Variants in CMIP observed in about 807,000 individuals in gnomAD.
CMIP encodes C-Maf-inducing protein.
In CMIP, 13 loss-of-function variants were observed where a neutral mutation model predicts 97.3. That is an observed-to-expected ratio of 0.13 (90% CI 0.09 to 0.21). The LOEUF (loss-of-function observed/expected upper bound fraction) is 0.21. CMIP is among the 10% of genes least tolerant of loss of function. The pLI, the probability that CMIP is intolerant of heterozygous loss-of-function variation, is 1.00. For missense variants in CMIP, 847 were observed against 1,024.9 expected, an observed-to-expected ratio of 0.83 and a Z score of 2.37; for synonymous variants, 538 against 436.3, an observed-to-expected ratio of 1.23 and a Z score of -2.91.
At chr16:81,455,019 G>C (rs1483299535) in intron 1 of CMIP, among the ~76,000 whole-genome samples, 4 of 152,230 alleles carry the variant, frequency 2.6e-5, no homozygotes, top group Non-Finnish European at 4.4e-5. Context: ...GACGGCATAG[G>C]AATTAAAGAT....
At chr16:81,445,580 G>A (rs768666768) in intron 1 of CMIP, 39 bp downstream of exon 1, 7 of 1,527,428 alleles carry the variant, frequency 4.6e-6, no homozygotes, top group Non-Finnish European at 6.2e-6. Context: ...GCCTCTCCTC[G>A]GGGCCCGAGA....
At chr16:81,511,296 C>A (rs2089805464) in intron 1 of CMIP, among the ~76,000 whole-genome samples, 1 of 152,208 alleles carries the variant, frequency 6.6e-6, no homozygotes, top group South Asian at 2.1e-4. Context: ...AAGAAACTAA[C>A]AATAATTCCT....
intron 3 of CMIP, among the ~76,000 whole-genome samples, chr16:81,650,557 G>A (rs981861477): frequency 1.3e-5 from 2 of 152,158 alleles, no homozygotes; most frequent in Non-Finnish European, 2.9e-5. Flanking sequence ...TATATCAGAG[G>A]CCCCAGAAAA....
At chr16:81,544,340 C>G (rs1302529494) in intron 1 of CMIP, among the ~76,000 whole-genome samples, 2 of 152,184 alleles carry the variant, frequency 1.3e-5, no homozygotes, top group African/African-American at 4.8e-5. Context: ...TGCAAAGTCT[C>G]TTTGGTGCTA....
At chr16:81,690,008 G>A (rs112673491) in intron 10 of CMIP, among the ~76,000 whole-genome samples, 166 of 152,264 alleles carry the variant, frequency 1.1e-3, no homozygotes, top group African/African-American at 3.7e-3. Context: ...TGTTCCATTG[G>A]TCTGTATCTC....
intron 1 of CMIP, among the ~76,000 whole-genome samples, chr16:81,540,317 C>T (rs564519987): frequency 6.6e-6 from 1 of 152,178 alleles, no homozygotes; most frequent in Non-Finnish European, 1.5e-5. Flanking sequence ...TGGGCTTGCT[C>T]ACCCTGGCTG....
At chr16:81,640,301 A>G (rs934234347) in intron 3 of CMIP, among the ~76,000 whole-genome samples, 20 of 100,200 alleles carry the variant, frequency 2.0e-4, no homozygotes, top group Non-Finnish European at 3.6e-4. Context: ...CCCCCCCCCA[A>G]TTCCCCAGGG....
intron 1 of CMIP, among the ~76,000 whole-genome samples, chr16:81,596,135 C>T (rs2091551506): frequency 6.6e-6 from 1 of 152,098 alleles, no homozygotes; most frequent in African/African-American, 2.4e-5. Context: ...AGTGGAGGCT[C>T]AGAGATACCA....
intron 3 of CMIP, among the ~76,000 whole-genome samples, chr16:81,638,743 A>G (rs533455869): frequency 1.3e-5 from 2 of 152,144 alleles, no homozygotes; most frequent in Admixed American, 6.5e-5. Context: ...GCCCCAGTTC[A>G]GCCTCCTGTG....
At chr16:81,669,781 C>G (rs1387405992) in intron 7 of CMIP, among the ~76,000 whole-genome samples, 2 of 152,042 alleles carry the variant, frequency 1.3e-5, no homozygotes, top group Non-Finnish European at 2.9e-5. Flanking sequence ...TCTCACACAC[C>G]TCCTTCCACA....
chr16:81,691,551 C>T (rs1906078422), intron 10 of CMIP: 3 of 588,868 alleles, frequency 5.1e-6, no homozygotes, highest in African/African-American at 3.7e-5. Context: ...CTCACCCCCT[C>T]GGGTGCCATG....
intron 11 of CMIP, among the ~76,000 whole-genome samples, chr16:81,692,584 T>G (rs1906218053): frequency 6.6e-6 from 1 of 152,178 alleles, no homozygotes; most frequent in Non-Finnish European, 1.5e-5. Context: ...AAGGGCACAT[T>G]ACACGCAGTA....
At chr16:81,540,304 A>C (rs2090424402) in intron 1 of CMIP, among the ~76,000 whole-genome samples, 1 of 152,032 alleles carries the variant, frequency 6.6e-6, no homozygotes, top group African/African-American at 2.4e-5. Flanking sequence ...CTGATCCGTG[A>C]GATGGGCTTG....
intron 1 of CMIP, among the ~76,000 whole-genome samples, chr16:81,503,199 C>T (rs1455485549): frequency 6.6e-6 from 1 of 152,202 alleles, no homozygotes; most frequent in South Asian, 2.1e-4. Flanking sequence ...GGAGATCCCT[C>T]AGTCCCAGGG....
At chr16:81,518,037 G>A (rs1030132389) in intron 1 of CMIP, 2 of 366,260 alleles carry the variant, frequency 5.5e-6, no homozygotes, top group South Asian at 1.1e-4. Flanking sequence ...TTAATTGTGT[G>A]TGTGTGCTGG....
chr16:81,494,606 G>A (rs887523669), intron 1 of CMIP, among the ~76,000 whole-genome samples: 1 of 152,192 alleles, frequency 6.6e-6, no homozygotes, highest in African/African-American at 2.4e-5. Context: ...GGAGGCACCT[G>A]TGGGCATGGG....
At chr16:81,611,698 CTG>C (rs1245424331) in intron 2 of CMIP, among the ~76,000 whole-genome samples, 2 of 152,214 alleles carry the variant, frequency 1.3e-5, no homozygotes, top group African/African-American at 4.8e-5. Flanking sequence ...CCAGTCCTCT[CTG>C]TGTGTCTCTC....
Position 81,706,930 on chromosome 16 carries a change from T to A in CMIP, c.2198-84T>A, listed in dbSNP as rs1031560168. The A allele has an allele frequency of 1.2e-5, 14 of 1,174,178 alleles. No individual in the cohort carries two copies. The African/African-American group carries it at 2.0e-4, about 17-fold the overall frequency. 72.7% of individuals were successfully genotyped at this position (1,174,178 alleles called of 1,614,324 possible). A position where few individuals can be genotyped will look rare whatever the true frequency, so the allele number is the denominator to read the frequency against. Reference sequence around the variant, plus strand: ...CCTAACAGGGGGCCTGGCACCTGCATTGAGCTCCTCCAGCTTGGCCATCCC... The same window carrying A: ...CCTAACAGGGGGCCTGGCACCTGCAATGAGCTCCTCCAGCTTGGCCATCCC... On this transcript the variant is annotated intron_variant, in intron 19 of 20. Transcript: ENST00000537098.
intron 1 of CMIP, among the ~76,000 whole-genome samples, chr16:81,580,369 C>T (rs2091275343): frequency 1.3e-5 from 2 of 152,116 alleles, no homozygotes; most frequent in Non-Finnish European, 2.9e-5. Flanking sequence ...GAGATAAATT[C>T]ACCTCATATG....
Sources: allele counts gnomAD v4.1 joint callset (sites outside exome capture counted in the v4.1 genomes callset), GRCh38; gene constraint gnomAD v4.1.1; transcripts MANE v1.5; gene names NCBI Gene and HGNC (gene_info 2026-07-23, HGNC 2026-07-21).